The following PLEKHM2 variants were observed in gnomAD, a reference collection of about 807,000 sequenced individuals.
PLEKHM2 encodes pleckstrin homology and RUN domain containing M2.
In PLEKHM2, 77 loss-of-function variants were observed where a neutral mutation model predicts 116.3. That is an observed-to-expected ratio of 0.66 (90% CI 0.55 to 0.80). The LOEUF (loss-of-function observed/expected upper bound fraction) is 0.80. Ranked by LOEUF, PLEKHM2 falls within the 30% of genes least tolerant of loss-of-function variation. PLEKHM2 has a pLI of 0.00. For synonymous variants in PLEKHM2, 562 were observed against 571.0 expected (o/e 0.98, Z 0.22); for missense variants, 1,183 against 1,354.9 (o/e 0.87, Z 1.99).
chr1:15,686,948 C>T (rs1319790716), intron 1 of PLEKHM2, among the ~76,000 whole-genome samples: 3 of 151,822 alleles, frequency 2.0e-5, no homozygotes, highest in Non-Finnish European at 4.4e-5. Context: ...CGGCGCCCAG[C>T]GTCTAATTTT....
chr1:15,688,993 A>T (rs547122775), intron 1 of PLEKHM2, among the ~76,000 whole-genome samples: 7 of 152,292 alleles, frequency 4.6e-5, no homozygotes, highest in Admixed American at 2.6e-4. Context: ...TCATGCCTGT[A>T]ACCCCAACAC....
In PLEKHM2 at chr1:15,725,653, T is replaced by C. The variant is rs551187555; in HGVS notation, c.941+108T>C. ...AGACCGGGACACCCCCTGAGGGCAG[T>C]TGCATGCCTTCCTGGAAACCCTTCC... On this transcript the variant is annotated intron_variant, in intron 8 of 19. Transcript: ENST00000375799. 106 of 752,106 alleles carry C rather than the reference T, an allele frequency of 1.4e-4. 3 individuals carry two copies. The highest frequency in any genetic ancestry group is 1.2e-3 in the South Asian group (66 of 57,196). 46.6% of individuals were successfully genotyped at this position (752,106 alleles called of 1,614,324 possible). A position where few individuals can be genotyped will look rare whatever the true frequency, so the allele number is the denominator to read the frequency against.
chr1:15,730,693 A>G lies in PLEKHM2; in HGVS notation c.2370A>G (p.Glu790=), dbSNP rs1449876649. 3.1e-6 allele frequency: 5 copies of G among 1,606,694 alleles called. No individual in the cohort carries two copies. In the African/African-American group the frequency reaches 4.0e-5, roughly 13 times the overall value. The change falls in exon 15 of 20, where the codon GAA becomes GAG. Residue 790 remains glutamate (E), a synonymous_variant. Transcript: ENST00000375799. ...CGGGCACCTCCTACCTGGGCAAGGA[A>G]CACTGGAAGACGTGCTTCGTGGTGC... ...YKAGTSYLGK[E]HWKTCFVVLS...
Position 15,684,509 on chromosome 1 carries a change from G to GA in PLEKHM2, c.-50_-49insA. 3 of 977,574 alleles carry GA rather than the reference G, an allele frequency of 3.1e-6. No homozygotes were observed. The highest frequency in any genetic ancestry group is 3.6e-6 in the Non-Finnish European group (3 of 829,380). The allele number at this position is 977,574 out of a possible 1,614,324, so 60.6% of individuals were successfully genotyped here. A position where few individuals can be genotyped will look rare whatever the true frequency, so the allele number is the denominator to read the frequency against. ...GGCCCCCGGCGCGGGAAGCGGCGGCGGGGCGGCGGCGGCGGTGGCGGTGGC... is the reference window on the plus strand; with the variant it reads ...GGCCCCCGGCGCGGGAAGCGGCGGCGAGGGCGGCGGCGGCGGTGGCGGTGGC... On this transcript the variant is annotated 5_prime_UTR_variant, in exon 1 of 20. Transcript: ENST00000375799.
At position 15,728,221 on chromosome 1, in the gene PLEKHM2, A is replaced by T; in HGVS notation, c.1831-46A>T. On this transcript the variant is annotated intron_variant, in intron 10 of 19. Transcript: ENST00000375799. The surrounding 1 kb of genome is among the most constrained non-coding windows in gnomAD (Gnocchi z 5.9). ...CGGGATGGGCCACCGCCCCCGCTGG[A>T]GCGGCAGGAGCCACCTGCCTGACCC... 6.2e-7 allele frequency: 1 copy of T among 1,601,134 alleles called. No individual in the cohort carries two copies. The highest frequency in any genetic ancestry group is 1.3e-5 in the African/African-American group (1 of 74,794).
chr1:15,728,990 T>C lies in PLEKHM2; in HGVS notation c.1987-112T>C, dbSNP rs1416977135. 1 of 984,688 alleles carries C rather than the reference T, an allele frequency of 1.0e-6. No homozygotes were observed. Among genetic ancestry groups the C allele is most frequent in the Non-Finnish European group, 1.6e-6 (1 of 642,288 alleles). 61.0% of individuals were successfully genotyped at this position (984,688 alleles called of 1,614,324 possible). A position where few individuals can be genotyped will look rare whatever the true frequency, so the allele number is the denominator to read the frequency against. On this transcript the variant is annotated intron_variant, in intron 12 of 19. Transcript: ENST00000375799. This position sits in a 1 kb window ranked among gnomAD's most constrained non-coding sequence, Gnocchi z 5.9. ...TGGCCTCTGGGGCTTTACTTGGTGG[T>C]GGCCCGGGGTGTGCTTCTTCCTCCC...
At chr1:15,713,257 CT>C (rs1641372288) in intron 1 of PLEKHM2, among the ~76,000 whole-genome samples, 1 of 152,026 alleles carries the variant, frequency 6.6e-6, no homozygotes, top group Admixed American at 6.6e-5. Context: ...CGTGGCATTC[CT>C]TTTTTTCTTA....
At chr1:15,681,631 G>T, upstream of PLEKHM2, 1 of 461,884 alleles carries the variant, frequency 2.2e-6, no homozygotes, top group South Asian at 1.5e-5. Flanking sequence ...GCAGGTTGGG[G>T]CCTGTATGCA....
At chr1:15,713,964 CAG>C (rs1158679184) in intron 1 of PLEKHM2, among the ~76,000 whole-genome samples, 1 of 106,336 alleles carries the variant, frequency 9.4e-6, no homozygotes, top group East Asian at 2.9e-4. Flanking sequence ...TTTTTGGAGA[CAG>C]AGTCTCACTC....
intron 1 of PLEKHM2, among the ~76,000 whole-genome samples, chr1:15,712,446 G>T (rs974681025): frequency 2.6e-5 from 4 of 152,118 alleles, no homozygotes; most frequent in African/African-American, 9.7e-5. Flanking sequence ...AGTTCCCCTT[G>T]CAGGCACTCA....
intron 5 of PLEKHM2, among the ~76,000 whole-genome samples, 170 bp downstream of exon 5, chr1:15,718,795 G>C (rs771793462): frequency 6.6e-6 from 1 of 152,118 alleles, no homozygotes; most frequent in Non-Finnish European, 1.5e-5. Context: ...AGGGTCCATC[G>C]AATTGAGTGA....
chr1:15,712,648 CTTTT>C (rs1366648962), intron 1 of PLEKHM2, among the ~76,000 whole-genome samples: 7 of 136,690 alleles, frequency 5.1e-5, no homozygotes, highest in Non-Finnish European at 7.9e-5. Context: ...TCTTATTTTC[CTTTT>C]TTTTTTTTTT....
chr1:15,689,002 A>G (rs1314348971), intron 1 of PLEKHM2, among the ~76,000 whole-genome samples: 1 of 152,044 alleles, frequency 6.6e-6, no homozygotes, highest in Non-Finnish European at 1.5e-5. Context: ...TAACCCCAAC[A>G]CTTTGGGAGG....
chr1:15,713,183 C>A (rs1458711346), intron 1 of PLEKHM2, among the ~76,000 whole-genome samples: 2 of 152,154 alleles, frequency 1.3e-5, no homozygotes, highest in East Asian at 3.9e-4. Flanking sequence ...AAACTCCTGG[C>A]CTCAAACGAT....
At chr1:15,714,445 C>T (rs1277829908) in intron 1 of PLEKHM2, among the ~76,000 whole-genome samples, 2 of 151,082 alleles carry the variant, frequency 1.3e-5, no homozygotes, top group African/African-American at 4.9e-5. Flanking sequence ...AGGGATTATG[C>T]AGTTTTTGCA....
At chr1:15,711,656 T>A (rs534703162) in intron 1 of PLEKHM2, among the ~76,000 whole-genome samples, 1 of 151,168 alleles carries the variant, frequency 6.6e-6, no homozygotes, top group African/African-American at 2.4e-5. Context: ...ACTTCTGTAA[T>A]CTTACATTGG....
chr1:15,727,182 C>G lies in PLEKHM2; in HGVS notation c.1110C>G (p.Ala370=). ...LGRDSPDTML[A]SPQEEGEGPS... ...GGGACTCGCCAGACACTATGCTTGC[C>G]TCCCCCCAGGAGGAGGGAGAGGGGC... Residue 370 remains alanine (A), a synonymous_variant, in exon 9 of 20, where the codon GCC becomes GCG. Transcript: ENST00000375799. The surrounding 1 kb of genome is among the most constrained non-coding windows in gnomAD (Gnocchi z 7.5). The G allele has an allele frequency of 6.2e-7, 1 of 1,604,904 alleles. No homozygotes were observed. Among genetic ancestry groups the G allele is most frequent in the Non-Finnish European group, 8.5e-7 (1 of 1,175,776 alleles).
rs1006147 is a variant in PLEKHM2, at chr1:15,719,614, C to T, written c.466-120C>T. Reference sequence around the variant, plus strand: ...AGCAGCTTTTCTTTGAATTTACTACCTTAAGCCATTGATTTCCCAAAGAGG... The same window carrying T: ...AGCAGCTTTTCTTTGAATTTACTACTTTAAGCCATTGATTTCCCAAAGAGG... On this transcript the variant is annotated intron_variant, in intron 5 of 19. Coordinates refer to ENST00000375799, the MANE Select transcript of PLEKHM2 (RefSeq NM_015164.4). This position sits in a 1 kb window ranked among gnomAD's most constrained non-coding sequence, Gnocchi z 4.1. 0.65 allele frequency: 422,980 copies of T among 654,214 alleles called. 140,695 individuals are homozygous for T. Among genetic ancestry groups the T allele is most frequent in the African/African-American group, 0.91 (50,300 of 55,364 alleles). The allele number at this position is 654,214 out of a possible 1,614,324, so 40.5% of individuals were successfully genotyped here. A position where few individuals can be genotyped will look rare whatever the true frequency, so the allele number is the denominator to read the frequency against.
rs769556510 is a variant in PLEKHM2, at chr1:15,690,059, GTTTTT to G, written c.60+5451_60+5455del. ...GTGTGAGCCACCGCACCCAGCCGAG[GTTTTT>G]TTTTTTTTTGTTTTGTTTTTTTGAG... On this transcript the variant is annotated intron_variant, in intron 1 of 19. Transcript: ENST00000375799. Among the ~76,000 whole-genome samples the G allele has an allele frequency of 5.7e-3, 777 of 137,256 alleles. 6 individuals are homozygous for G. Among genetic ancestry groups the G allele is most frequent in the African/African-American group, 0.02 (739 of 37,170 alleles). 90.0% of individuals were successfully genotyped at this position (137,256 alleles called of 152,430 possible).
Sources: allele counts gnomAD v4.1 joint callset (sites outside exome capture counted in the v4.1 genomes callset), GRCh38; gene constraint gnomAD v4.1.1; non-coding constraint Gnocchi (gnomAD v3.1); transcripts MANE v1.5; gene names NCBI Gene and HGNC (gene_info 2026-07-23, HGNC 2026-07-21).